LZTFL1: variants seen among roughly 807,000 people sequenced by gnomAD.
The protein encoded by LZTFL1 is leucine zipper transcription factor-like protein 1.
LZTFL1 carries 25 observed loss-of-function variants against 45.9 expected under a neutral mutation model. The ratio of observed to expected loss-of-function variants is 0.54; its 90% CI spans 0.40 to 0.76. The LOEUF is 0.76. Among genes scored for constraint, LZTFL1 ranks in the 30% least tolerant of loss-of-function variants. LZTFL1 has a pLI of 0.00. For synonymous variants in LZTFL1, 93 were observed against 117.4 expected (o/e 0.79, Z 1.35); for missense variants, 277 against 331.1 (o/e 0.84, Z 1.27).
upstream of LZTFL1, among the ~76,000 whole-genome samples, chr3:45,843,226 G>A (rs765694953): frequency 3.3e-5 from 5 of 152,220 alleles, no homozygotes; most frequent in Admixed American, 6.5e-5. Context: ...TCCAAGCTCA[G>A]TTAAACTTCC....
Position 45,862,115 on chromosome 3 carries a change from A to G in LZTFL1, c.-214-3099T>C, listed in dbSNP as rs534121659. ...GCACCTGATATATATGTGAGGCACC[A>G]TCTTAGACTCTGGTGTCACAATGAT... On this transcript the variant is annotated intron_variant, in intron 2 of 4. Coordinates refer to the LZTFL1 transcript ENST00000472635. 3.3e-5 allele frequency among the ~76,000 whole-genome samples: 5 copies of G among 152,360 alleles called. No individual in the cohort carries two copies. In the South Asian group the frequency reaches 8.3e-4, roughly 25 times the overall value.
At chr3:45,897,301 G>A (rs1702386897) in intron 2 of LZTFL1, among the ~76,000 whole-genome samples, 1 of 152,132 alleles carries the variant, frequency 6.6e-6, no homozygotes, top group South Asian at 2.1e-4. Flanking sequence ...TAGATTTGGG[G>A]TGTAAAATTC....
intron 2 of LZTFL1, among the ~76,000 whole-genome samples, chr3:45,882,413 C>T (rs1409922805): frequency 6.6e-6 from 1 of 152,200 alleles, no homozygotes; most frequent in African/African-American, 2.4e-5. Context: ...TTGTCCTCTT[C>T]CAAAGACCCC....
chr3:45,897,948 T>C (rs1213430994), intron 2 of LZTFL1, among the ~76,000 whole-genome samples: 1 of 140,270 alleles, frequency 7.1e-6, no homozygotes, highest in Non-Finnish European at 1.5e-5. Flanking sequence ...CTCAGGCTCA[T>C]GTGAGAGTCT....
At chr3:45,847,008 A>G (rs1289142330), upstream of LZTFL1, among the ~76,000 whole-genome samples, 1 of 152,246 alleles carries the variant, frequency 6.6e-6, no homozygotes, top group Admixed American at 6.5e-5. Context: ...CCATTCTTCC[A>G]GATTGTCTAA....
At chr3:45,896,420 A>G (rs551888939) in intron 2 of LZTFL1, among the ~76,000 whole-genome samples, 1 of 152,324 alleles carries the variant, frequency 6.6e-6, no homozygotes, top group Admixed American at 6.5e-5. Flanking sequence ...TATTCCATGG[A>G]AAGTAGCCGT....
In LZTFL1 at chr3:45,887,525, G is replaced by T. The variant is rs938721405; in HGVS notation, c.-215+25595C>A. Among the ~76,000 whole-genome samples, 5 of 152,180 alleles carry T rather than the reference G, an allele frequency of 3.3e-5. No individual in the cohort carries two copies. In the South Asian group the frequency reaches 6.2e-4, roughly 19 times the overall value. On this transcript the variant is annotated intron_variant, in intron 2 of 4. Transcript: ENST00000472635. ...TACCCTCTTTAGTTCTGAATTAGCT[G>T]TTACTCCATAGACGGCTGGCAAGTC...
chr3:45,843,051 T>C (rs886805884), upstream of LZTFL1, among the ~76,000 whole-genome samples: 1 of 152,228 alleles, frequency 6.6e-6, no homozygotes, highest in African/African-American at 2.4e-5. Flanking sequence ...ACCTGGAGCA[T>C]TCCAATGCAC....
At chr3:45,892,049 G>A (rs1037663925) in intron 2 of LZTFL1, among the ~76,000 whole-genome samples, 4 of 152,048 alleles carry the variant, frequency 2.6e-5, no homozygotes, top group Non-Finnish European at 4.4e-5. Context: ...TGTCTCCAAG[G>A]AGCCCTGGCT....
intron 2 of LZTFL1, among the ~76,000 whole-genome samples, chr3:45,837,170 C>A (rs571735876): frequency 6.6e-6 from 1 of 152,308 alleles, no homozygotes; most frequent in East Asian, 1.9e-4. Flanking sequence ...CAAAAAACCA[C>A]AACTTTTTAA....
Position 45,838,067 on chromosome 3 carries a change from G to A in LZTFL1, c.4-16C>T, listed in dbSNP as rs1559405044. ...CCAACTCTGCCTGAAAAAGAAAGAG[G>A]TAATTTAATTGTTAGTTTTGAAGAT... On this transcript the variant is annotated splice_polypyrimidine_tract_variant and intron_variant, in intron 1 of 9. Transcript: ENST00000296135. The A allele has an allele frequency of 6.3e-7, 1 of 1,579,468 alleles. No individual in the cohort carries two copies. Among genetic ancestry groups the A allele is most frequent in the Admixed American group, 1.9e-5 (1 of 51,902 alleles).
At chr3:45,887,855 C>A (rs1702029950) in intron 2 of LZTFL1, among the ~76,000 whole-genome samples, 1 of 152,184 alleles carries the variant, frequency 6.6e-6, no homozygotes, top group South Asian at 2.1e-4. Context: ...AGAGACCCTG[C>A]CTCGTGTAGG....
intron 2 of LZTFL1, among the ~76,000 whole-genome samples, chr3:45,905,264 C>G (rs1201974449): frequency 6.6e-6 from 1 of 152,218 alleles, no homozygotes; most frequent in Non-Finnish European, 1.5e-5. Flanking sequence ...ATCTCATGTG[C>G]TCCTCCCTTC....
chr3:45,897,465 G>A (rs1702393930), intron 2 of LZTFL1: 3 of 765,218 alleles, frequency 3.9e-6, no homozygotes. Flanking sequence ...TTCAGTCTTG[G>A]GAGTGTTAGC....
intron 2 of LZTFL1, chr3:45,895,101 G>C: frequency 2.4e-6 from 2 of 836,248 alleles, no homozygotes; most frequent in East Asian, 4.9e-5. Context: ...GCATTGCTGG[G>C]TAGGTTGTTG....
chr3:45,870,127 G>T (rs370160130), intron 2 of LZTFL1, among the ~76,000 whole-genome samples: 1 of 152,180 alleles, frequency 6.6e-6, no homozygotes, highest in Non-Finnish European at 1.5e-5. Flanking sequence ...TCCAGTGCCC[G>T]CTCTCAAGCT....
At chr3:45,905,714 C>T (rs1160434315) in intron 2 of LZTFL1, among the ~76,000 whole-genome samples, 1 of 152,218 alleles carries the variant, frequency 6.6e-6, no homozygotes. Flanking sequence ...GATGGTGGCA[C>T]TCTGATGGGC....
intron 2 of LZTFL1, among the ~76,000 whole-genome samples, chr3:45,893,157 CTTT>C (rs57214739): frequency 6.9e-6 from 1 of 145,380 alleles, no homozygotes; most frequent in African/African-American, 2.5e-5. Context: ...CTCTCTCTCT[CTTT>C]TTTTTTTTGT....
intron 2 of LZTFL1, among the ~76,000 whole-genome samples, chr3:45,885,664 A>C (rs1455473137): frequency 1.3e-5 from 2 of 152,278 alleles, no homozygotes; most frequent in African/African-American, 2.4e-5. Flanking sequence ...CACTAGCTGC[A>C]TGTGGCTATT....
Sources: gnomAD v4.1 joint callset for allele counts (sites outside exome capture counted in the v4.1 genomes callset) on GRCh38, gnomAD v4.1.1 for gene constraint, MANE v1.5 for transcripts, NCBI Gene and HGNC (gene_info 2026-07-23, HGNC 2026-07-21) for gene names.